Variants in VAV3 observed in about 807,000 individuals in gnomAD.
VAV3 encodes the protein vav guanine nucleotide exchange factor 3.
Under a neutral mutation model 131.2 loss-of-function variants are expected in VAV3, and 94 were observed. That is an observed-to-expected ratio of 0.72 (90% CI 0.61 to 0.85). The LOEUF is 0.85. VAV3 is among the 40% of genes least tolerant of loss of function. VAV3 has a pLI of 0.00. For synonymous variants in VAV3, 349 were observed against 342.0 expected, an observed-to-expected ratio of 1.02 and a Z score of -0.22; for missense variants, 939 against 1,002.7, an observed-to-expected ratio of 0.94 and a Z score of 0.86.
chr1:107,960,744 T>C (rs900006291), intron 1 of VAV3, among the ~76,000 whole-genome samples: 7 of 152,142 alleles, frequency 4.6e-5, no homozygotes, highest in African/African-American at 1.7e-4. Context: ...ACCAGGAATA[T>C]TCTTTTTTCC....
chr1:107,833,693 C>T (rs551787548), intron 2 of VAV3, among the ~76,000 whole-genome samples: 27 of 152,204 alleles, frequency 1.8e-4, no homozygotes, highest in Non-Finnish European at 2.9e-4. Context: ...GTGTTTATGA[C>T]GTGTGGTCAG....
intron 20 of VAV3, among the ~76,000 whole-genome samples, chr1:107,623,473 G>A (rs1274852420): frequency 6.6e-6 from 1 of 152,098 alleles, no homozygotes; most frequent in Non-Finnish European, 1.5e-5. Flanking sequence ...TTATATTTCA[G>A]TAAACTTGCT....
intron 19 of VAV3, among the ~76,000 whole-genome samples, chr1:107,653,915 G>A (rs1188017830): frequency 2.6e-5 from 4 of 151,974 alleles, no homozygotes; most frequent in African/African-American, 4.8e-5. Flanking sequence ...ATAAAGAGAG[G>A]GGAAAACATC....
At chr1:107,651,237 T>C (rs1410967135) in intron 19 of VAV3, among the ~76,000 whole-genome samples, 1 of 152,276 alleles carries the variant, frequency 6.6e-6, no homozygotes, top group South Asian at 2.1e-4. Flanking sequence ...GAGTCTATGG[T>C]ATTTTGTTGG....
intron 1 of VAV3, among the ~76,000 whole-genome samples, chr1:107,908,820 A>AACAC (rs59211285): frequency 1.5e-4 from 20 of 129,332 alleles, no homozygotes; most frequent in African/African-American, 3.1e-4. Context: ...GCCCCACTCA[A>AACAC]ACACACACAC....
intron 1 of VAV3, among the ~76,000 whole-genome samples, chr1:107,922,782 C>A (rs991123120): frequency 6.6e-6 from 1 of 151,744 alleles, no homozygotes; most frequent in South Asian, 2.1e-4. Flanking sequence ...GAAACCCCGC[C>A]TCTACTAAAA....
At chr1:107,627,207 C>A (rs1042622361) in intron 20 of VAV3, among the ~76,000 whole-genome samples, 11 of 152,134 alleles carry the variant, frequency 7.2e-5, no homozygotes, top group Admixed American at 1.3e-4. Flanking sequence ...TTTCTGTAAA[C>A]CCCTATCTCT....
chr1:107,648,900 G>A (rs72703593), intron 19 of VAV3, among the ~76,000 whole-genome samples: 34 of 152,070 alleles, frequency 2.2e-4, no homozygotes, highest in Non-Finnish European at 4.7e-4. Context: ...CTGAGTACCC[G>A]CCACATGTCT....
intron 2 of VAV3, among the ~76,000 whole-genome samples, chr1:107,819,427 C>A (rs1667696295): frequency 6.6e-6 from 1 of 151,306 alleles, no homozygotes; most frequent in Non-Finnish European, 1.5e-5. Context: ...ATCCCAGCTA[C>A]TTGGGAGGCT....
chr1:107,760,875 C>G lies in VAV3; in HGVS notation c.926G>C (p.Cys309Ser). The change falls in exon 10 of 27, where the codon TGT (cysteine) becomes TCT (serine). Residue 309 changes from cysteine (C) to serine (S), a missense_variant. Cys to Ser is a moderately radical substitution (Grantham distance 112). Coordinates refer to ENST00000370056, the MANE Select transcript of VAV3 (RefSeq NM_006113.5). ...KEDVKLKLEE[C>S]SKRANNGKFT... ...TTTCCCATTATTTGCTCTTTTGGAACATTCCTAATGAAATGTTTTAAAAAC... is the reference window on the plus strand; with the variant it reads ...TTTCCCATTATTTGCTCTTTTGGAAGATTCCTAATGAAATGTTTTAAAAAC... 6.2e-7 allele frequency: 1 copy of G among 1,612,568 alleles called. No individual in the cohort carries two copies. The highest frequency in any genetic ancestry group is 1.3e-5 in the African/African-American group (1 of 75,000).
At chr1:107,725,639 C>T (rs181020847) in intron 15 of VAV3, among the ~76,000 whole-genome samples, 2 of 152,222 alleles carry the variant, frequency 1.3e-5, no homozygotes, top group African/African-American at 4.8e-5. Context: ...CTCAGCCTCC[C>T]GAGTAGCTGG....
intron 19 of VAV3, among the ~76,000 whole-genome samples, chr1:107,677,376 G>C (rs915359899): frequency 2.6e-5 from 4 of 152,124 alleles, no homozygotes; most frequent in African/African-American, 9.7e-5. Context: ...CCTAAGTGCT[G>C]AAAGAAAATC....
intron 2 of VAV3, among the ~76,000 whole-genome samples, chr1:107,799,343 C>T (rs564537412): frequency 6.7e-6 from 1 of 149,284 alleles, no homozygotes; most frequent in South Asian, 2.1e-4. Flanking sequence ...GGTTCTATCA[C>T]GTAGAAAAAA....
At chr1:107,953,736 G>A (rs1457806774) in intron 1 of VAV3, among the ~76,000 whole-genome samples, 1 of 152,022 alleles carries the variant, frequency 6.6e-6, no homozygotes, top group Non-Finnish European at 1.5e-5. Context: ...CATGCTCCCA[G>A]GAAAAGGCAT....
intron 17 of VAV3, 92 bp from the exon 18 acceptor site, chr1:107,688,498 C>T (rs1659192702): frequency 2.5e-6 from 4 of 1,589,662 alleles, no homozygotes; most frequent in Non-Finnish European, 3.4e-6. Flanking sequence ...TAAAACACCA[C>T]TGCTTTGTTT....
chr1:107,750,993 G>T, intron 13 of VAV3, 124 bp downstream of exon 13: 1 of 874,384 alleles, frequency 1.1e-6, no homozygotes, highest in Non-Finnish European at 1.8e-6. Flanking sequence ...ATCATGGGTT[G>T]GTCTGTCTCC....
chr1:107,617,778 T>C lies in VAV3; in HGVS notation c.1915-146A>G, dbSNP rs1353889582. The stretch of plus-strand genomic sequence containing the variant: ...GTCCTGAGCATTAACTTACTGTGGA[T>C]CAGAAAAGGAAGCAAAAGCAGAGAT... On this transcript the variant is annotated intron_variant, in intron 20 of 26. Transcript: ENST00000370056. 3 of 594,216 alleles carry C rather than the reference T, an allele frequency of 5.0e-6. No individual in the cohort carries two copies. The East Asian group carries it at 8.8e-5, about 17-fold the overall frequency. The allele number at this position is 594,216 out of a possible 1,614,324, so 36.8% of individuals were successfully genotyped here.
At chr1:107,592,461 T>C (rs748194931) in intron 25 of VAV3, among the ~76,000 whole-genome samples, 3 of 152,260 alleles carry the variant, frequency 2.0e-5, no homozygotes, top group Non-Finnish European at 4.4e-5. Context: ...TACTTGGATA[T>C]TATATAAATA....
At chr1:107,694,819 A>T (rs1659649384) in intron 17 of VAV3, among the ~76,000 whole-genome samples, 1 of 152,142 alleles carries the variant, frequency 6.6e-6, no homozygotes, top group South Asian at 2.1e-4. Flanking sequence ...TCAAAACACC[A>T]ATTAGGTATG....
Sources: allele counts gnomAD v4.1 joint callset (sites outside exome capture counted in the v4.1 genomes callset), GRCh38; gene constraint gnomAD v4.1.1; transcripts MANE v1.5; gene names NCBI Gene and HGNC (gene_info 2026-07-23, HGNC 2026-07-21).